DMD: variants seen among roughly 807,000 people sequenced by gnomAD.
DMD encodes dystrophin.
A neutral mutation model predicts 330.1 loss-of-function variants in DMD; 63 were observed. The ratio of observed to expected loss-of-function variants is 0.19; its 90% CI spans 0.16 to 0.24. The LOEUF (loss-of-function observed/expected upper bound fraction) is 0.24, where lower values mean the gene tolerates loss of function less well. Among genes scored for constraint, DMD ranks in the 10% least tolerant of loss-of-function variants. The pLI, the probability that DMD is intolerant of heterozygous loss-of-function variation, is 1.00. For synonymous variants in DMD, 1,223 were observed against 959.8 expected (o/e 1.27, Z -5.07); for missense variants, 3,344 against 2,684.1 (o/e 1.25, Z -5.43).
Position 31,951,142 on chromosome X carries a change from T to TATATATAC in DMD, c.6614+17196_6614+17197insGTATATAT, listed in dbSNP as rs1247721326. On this transcript the variant is annotated intron_variant, in intron 45 of 78. Coordinates refer to ENST00000357033, the MANE Select transcript of DMD (RefSeq NM_004006.3). ...ATATACATATATATATATATATATG[T>TATATATAC]GTATATATATATATATGTATATATA... Among the ~76,000 whole-genome samples the TATATATAC allele has an allele frequency of 1.4e-3, 90 of 66,642 alleles. 2 individuals are homozygous for TATATATAC. Among genetic ancestry groups the TATATATAC allele is most frequent in the African/African-American group, 5.9e-3 (82 of 14,004 alleles). 57.9% of individuals were successfully genotyped at this position (66,642 alleles called of 115,157 possible).
At chrX:31,984,378 A>G (rs1208610547) in intron 44 of DMD, among the ~76,000 whole-genome samples, 1 of 112,346 alleles carries the variant, frequency 8.9e-6, no homozygotes, top group African/African-American at 3.2e-5. Flanking sequence ...TTGATAATGT[A>G]TTTAATGGGT....
intron 44 of DMD, among the ~76,000 whole-genome samples, chrX:32,205,022 C>CACACACAT (rs1191733820): frequency 3.7e-5 from 3 of 80,564 alleles, no homozygotes; most frequent in Non-Finnish European, 7.6e-5. Context: ...CACACACACA[C>CACACACAT]ACACACACAC....
intron 29 of DMD, among the ~76,000 whole-genome samples, chrX:32,428,113 T>C (rs747750241): frequency 6.3e-5 from 7 of 111,559 alleles, no homozygotes; most frequent in African/African-American, 2.3e-4. Context: ...TCTCTGCATT[T>C]ATTATACTTT....
At chrX:33,337,633 T>C (rs1419992166) in intron 1 of DMD, among the ~76,000 whole-genome samples, 1 of 112,263 alleles carries the variant, frequency 8.9e-6, no homozygotes, top group Non-Finnish European at 1.9e-5. Context: ...TAATGTATGC[T>C]TCAAGGTTAA....
chrX:33,298,738 G>A (rs760173353), intron 1 of DMD, among the ~76,000 whole-genome samples: 5 of 111,880 alleles, frequency 4.5e-5, no homozygotes, highest in African/African-American at 1.3e-4. Context: ...TTGGTCTCAG[G>A]AAGATAAAGC....
chrX:32,420,502 G>T (rs899787377), intron 29 of DMD, among the ~76,000 whole-genome samples: 33 of 111,932 alleles, frequency 2.9e-4, no homozygotes, highest in Admixed American at 3.8e-4. Flanking sequence ...GCATACTGAG[G>T]CCAATTACAG....
At chrX:32,665,618 C>T (rs2061250887) in intron 9 of DMD, among the ~76,000 whole-genome samples, 1 of 111,862 alleles carries the variant, frequency 8.9e-6, no homozygotes, top group African/African-American at 3.3e-5. Context: ...TCAAGGAAAT[C>T]ATAGTCCAGT....
chrX:32,696,242 C>A (rs1420928736), intron 9 of DMD, among the ~76,000 whole-genome samples: 1 of 111,561 alleles, frequency 9.0e-6, no homozygotes, highest in Non-Finnish European at 1.9e-5. Flanking sequence ...AAAGCTCAGT[C>A]CTTTTGACAC....
chrX:31,174,513 T>A (rs1156519757), intron 71 of DMD, among the ~76,000 whole-genome samples: 1 of 111,240 alleles, frequency 9.0e-6, no homozygotes, highest in African/African-American at 3.3e-5. Flanking sequence ...GAAAACCAGT[T>A]TAGGCTTGGA....
intron 61 of DMD, among the ~76,000 whole-genome samples, chrX:31,329,473 T>C (rs1410544733): frequency 8.9e-6 from 1 of 111,964 alleles, no homozygotes. Context: ...TCCACTTTTA[T>C]GAAGTGTCTG....
chrX:33,265,045 C>A (rs1362432079), intron 1 of DMD, among the ~76,000 whole-genome samples: 1 of 111,161 alleles, frequency 9.0e-6, no homozygotes, highest in Non-Finnish European at 1.9e-5. Context: ...TTGGTGAGAA[C>A]AATCATACTA....
chrX:31,134,605 T>C (rs1380172510), intron 76 of DMD, among the ~76,000 whole-genome samples: 1 of 110,774 alleles, frequency 9.0e-6, no homozygotes, highest in East Asian at 2.8e-4. Flanking sequence ...GTATTTTTAG[T>C]AGAGACAGGG....
chrX:31,726,338 T>C (rs1031870062), intron 52 of DMD, among the ~76,000 whole-genome samples: 5 of 112,302 alleles, frequency 4.5e-5, no homozygotes, highest in African/African-American at 6.5e-5. Context: ...GCAATAACTA[T>C]GTATAGATTT....
intron 60 of DMD, among the ~76,000 whole-genome samples, chrX:31,373,371 A>G (rs1300368482): frequency 2.0e-5 from 2 of 97,912 alleles, no homozygotes; most frequent in African/African-American, 3.5e-5. Flanking sequence ...AGTCAATCCT[A>G]AGCCAAAAGA....
At chrX:32,629,764 C>A (rs1484349758) in intron 11 of DMD, among the ~76,000 whole-genome samples, 1 of 106,386 alleles carries the variant, frequency 9.4e-6, no homozygotes, top group Non-Finnish European at 1.9e-5. Flanking sequence ...TTCATGACAA[C>A]ACTGGTTGCA....
chrX:31,945,320 A>G (rs1019942132), intron 45 of DMD, among the ~76,000 whole-genome samples: 1 of 111,882 alleles, frequency 8.9e-6, no homozygotes, highest in Admixed American at 9.4e-5. Flanking sequence ...CAGATACATG[A>G]ATGGGTCTCC....
chrX:32,993,724 TG>T (rs1185416127), intron 2 of DMD, among the ~76,000 whole-genome samples: 4 of 111,308 alleles, frequency 3.6e-5, no homozygotes, highest in African/African-American at 1.3e-4. Flanking sequence ...CTGTGTGTTT[TG>T]GGGGGTACTG....
chrX:32,320,009 C>T (rs960841571), intron 41 of DMD, among the ~76,000 whole-genome samples: 1 of 110,436 alleles, frequency 9.1e-6, no homozygotes, highest in Non-Finnish European at 1.9e-5. Context: ...CCTCCCTCCA[C>T]CTCACACACA....
intron 7 of DMD, among the ~76,000 whole-genome samples, chrX:32,747,262 G>A (rs1417313336): frequency 9.0e-6 from 1 of 111,446 alleles, no homozygotes; most frequent in Non-Finnish European, 1.9e-5. Flanking sequence ...GTTATGTTTG[G>A]GAAATATATT....
Sources: allele counts gnomAD v4.1 joint callset (sites outside exome capture counted in the v4.1 genomes callset), GRCh38; gene constraint gnomAD v4.1.1; transcripts MANE v1.5; gene names NCBI Gene and HGNC (gene_info 2026-07-23, HGNC 2026-07-21).